Variants in CRACR2A observed in about 807,000 individuals in gnomAD.
The protein encoded by CRACR2A is calcium release activated channel regulator 2A.
A neutral mutation model predicts 90.5 loss-of-function variants in CRACR2A; 79 were observed. The ratio of observed to expected loss-of-function variants is 0.87; its 90% CI spans 0.73 to 1.05. The LOEUF is 1.05. CRACR2A is among the 50% of genes least tolerant of loss of function. CRACR2A has a pLI of 0.00. For missense variants in CRACR2A, 823 were observed against 897.2 expected (o/e 0.92, Z 1.06); for synonymous variants, 338 against 356.7 (o/e 0.95, Z 0.59).
At chr12:3,625,753 T>C (rs4766150) in intron 17 of CRACR2A, among the ~76,000 whole-genome samples, 15,491 of 151,492 alleles carry the variant, frequency 0.1, 875 homozygotes, top group Middle Eastern at 0.17. Context: ...AAACCTTCCC[T>C]TGCCGCTCCC....
intron 4 of CRACR2A, among the ~76,000 whole-genome samples, chr12:3,684,266 T>G (rs1372852753): frequency 6.6e-6 from 1 of 152,208 alleles, no homozygotes; most frequent in Non-Finnish European, 1.5e-5. Flanking sequence ...TGTGGTACAG[T>G]TCAGCTATAC....
At chr12:3,717,578 A>G (rs1946100335) in intron 2 of CRACR2A, among the ~76,000 whole-genome samples, 3 of 152,210 alleles carry the variant, frequency 2.0e-5, no homozygotes, top group African/African-American at 4.8e-5. Context: ...CAATAACCAT[A>G]AAATGATGAG....
chr12:3,740,648 A>AAGCAG lies in CRACR2A; in HGVS notation c.-386-7443_-386-7439dup, dbSNP rs556929558. ...TTACTGCATTGCTGTACACATTTGAAAGCAGAGTCTGTGGGTTGCTGTGTG... is the reference window on the plus strand; with the variant it reads ...TTACTGCATTGCTGTACACATTTGAAAGCAGAGCAGAGTCTGTGGGTTGCTGTGTG... On this transcript the variant is annotated intron_variant, in intron 1 of 19. Coordinates refer to ENST00000440314, the MANE Select transcript of CRACR2A (RefSeq NM_001144958.2). Among the ~76,000 whole-genome samples the AAGCAG allele has an allele frequency of 7.9e-5, 12 of 152,300 alleles. No individual in the cohort carries two copies. In the East Asian group the frequency reaches 2.3e-3, roughly 29 times the overall value.
chr12:3,706,162 C>A (rs546711357), intron 3 of CRACR2A, among the ~76,000 whole-genome samples: 2 of 152,328 alleles, frequency 1.3e-5, no homozygotes, highest in African/African-American at 4.8e-5. Flanking sequence ...AGGGGGATCA[C>A]CAGTTCTTCA....
intron 2 of CRACR2A, among the ~76,000 whole-genome samples, chr12:3,716,174 C>A (rs1013304286): frequency 2.6e-5 from 4 of 152,204 alleles, no homozygotes; most frequent in Admixed American, 2.0e-4. Context: ...AGTCAACAAG[C>A]AAAATGCCTT....
intron 6 of CRACR2A, among the ~76,000 whole-genome samples, chr12:3,678,418 C>T (rs2137604291): frequency 6.6e-6 from 1 of 152,308 alleles, no homozygotes; most frequent in African/African-American, 2.4e-5. Flanking sequence ...GCAAATGCTT[C>T]CACATGATGG....
chr12:3,654,615 C>A (rs1565476303), intron 9 of CRACR2A, among the ~76,000 whole-genome samples: 1 of 152,208 alleles, frequency 6.6e-6, no homozygotes, highest in Non-Finnish European at 1.5e-5. Context: ...TTGTCTCTCC[C>A]CTGTCTCCAC....
chr12:3,658,993 T>C (rs1230312992), intron 8 of CRACR2A, among the ~76,000 whole-genome samples: 6 of 152,162 alleles, frequency 3.9e-5, no homozygotes, highest in Non-Finnish European at 5.9e-5. Flanking sequence ...TCCTCCGTGG[T>C]ATCTGTGGAA....
intron 2 of CRACR2A, chr12:3,727,360 A>G (rs950175072): frequency 6.6e-6 from 1 of 152,182 alleles, no homozygotes; most frequent in Non-Finnish European, 1.5e-5. Flanking sequence ...AAATATAAAT[A>G]TATGTGATAA....
intron 13 of CRACR2A, among the ~76,000 whole-genome samples, chr12:3,640,202 G>T (rs532877469): frequency 6.6e-6 from 1 of 152,336 alleles, no homozygotes; most frequent in East Asian, 1.9e-4. Context: ...CATCCGTAGG[G>T]ACAGCAGCTA....
At chr12:3,661,578 T>G (rs979924522) in intron 7 of CRACR2A, among the ~76,000 whole-genome samples, 2 of 152,198 alleles carry the variant, frequency 1.3e-5, no homozygotes, top group African/African-American at 4.8e-5. Flanking sequence ...TCATAAGAAT[T>G]AAAATAAAAT....
chr12:3,721,049 G>A (rs1246350952), intron 2 of CRACR2A, among the ~76,000 whole-genome samples: 1 of 152,116 alleles, frequency 6.6e-6, no homozygotes, highest in Admixed American at 6.5e-5. Flanking sequence ...TGGTTGACTG[G>A]CCAGCACTTT....
intron 4 of CRACR2A, among the ~76,000 whole-genome samples, chr12:3,688,256 C>T (rs1163395075): frequency 1.3e-5 from 2 of 152,192 alleles, no homozygotes; most frequent in African/African-American, 4.8e-5. Flanking sequence ...CTCATGAAAT[C>T]CTTGCCCACT....
intron 1 of CRACR2A, among the ~76,000 whole-genome samples, chr12:3,734,629 A>ATGTATG: frequency 6.7e-6 from 1 of 149,502 alleles, no homozygotes; most frequent in East Asian, 2.0e-4. Flanking sequence ...AGGTGTGTGT[A>ATGTATG]TGTGTGTGTG....
chr12:3,666,342 TGTGTGTGTGTGTGCGTGC>T (rs1945142114), intron 7 of CRACR2A, among the ~76,000 whole-genome samples: 1 of 112,286 alleles, frequency 8.9e-6, no homozygotes, highest in South Asian at 2.9e-4. Context: ...TGTGTGTGTG[TGTGTGTGTGTGTGCGTGC>T]GTGTGCGCGT....
At chr12:3,752,021 C>T (rs1376058199) in intron 1 of CRACR2A, among the ~76,000 whole-genome samples, 1 of 152,166 alleles carries the variant, frequency 6.6e-6, no homozygotes, top group Non-Finnish European at 1.5e-5. Context: ...TGCCCACATC[C>T]TTGATAAAAA....
chr12:3,739,930 CA>C lies in CRACR2A; in HGVS notation c.-386-6721del, dbSNP rs11406842. Among the ~76,000 whole-genome samples the C allele has an allele frequency of 3.5e-3, 509 of 144,268 alleles. 2 individuals carry two copies. Among genetic ancestry groups the C allele is most frequent in the African/African-American group, 0.011 (439 of 38,974 alleles). 94.6% of individuals were successfully genotyped at this position (144,268 alleles called of 152,430 possible). A position where few individuals can be genotyped will look rare whatever the true frequency, so the allele number is the denominator to read the frequency against. On this transcript the variant is annotated intron_variant, in intron 1 of 19. Transcript: ENST00000440314. ...GCCTGGCGACAGAGCGACTCCGTCT[CA>C]AAAAAAAAAAAAATTATTGCATGCA... is the stretch of plus-strand genomic sequence containing the variant.
intron 3 of CRACR2A, among the ~76,000 whole-genome samples, chr12:3,702,234 G>A (rs1945845005): frequency 1.3e-5 from 2 of 152,106 alleles, no homozygotes. Flanking sequence ...TGCTCCTGGG[G>A]TCAAGAAAAA....
intron 7 of CRACR2A, among the ~76,000 whole-genome samples, chr12:3,667,095 G>C (rs1218866958): frequency 6.6e-6 from 1 of 152,188 alleles, no homozygotes; most frequent in Non-Finnish European, 1.5e-5. Flanking sequence ...TGCAAAGTTA[G>C]ATGCAAAGAG....
Sources: gnomAD v4.1 joint callset for allele counts (sites outside exome capture counted in the v4.1 genomes callset) on GRCh38, gnomAD v4.1.1 for gene constraint, MANE v1.5 for transcripts, NCBI Gene and HGNC (gene_info 2026-07-23, HGNC 2026-07-21) for gene names.